PVT1: variants seen among roughly 807,000 people sequenced by gnomAD.
PVT1 encodes the protein CXCR4/PVT1 fusion.
chr8:127,936,431 G>A (rs570397517), intron 3 of PVT1, among the ~76,000 whole-genome samples: 1 of 152,252 alleles, frequency 6.6e-6, no homozygotes, highest in Non-Finnish European at 1.5e-5. Context: ...TCACTCCATT[G>A]TGCCAGCTGC....
chr8:127,941,165 T>C (rs1421351710), intron 3 of PVT1, among the ~76,000 whole-genome samples: 1 of 152,202 alleles, frequency 6.6e-6, no homozygotes, highest in African/African-American at 2.4e-5. Flanking sequence ...CAATGGTGGG[T>C]CCAGTTCCTT....
chr8:127,995,481 C>A (rs754888464), intron 4 of PVT1, among the ~76,000 whole-genome samples: 7 of 152,140 alleles, frequency 4.6e-5, no homozygotes, highest in African/African-American at 1.2e-4. Flanking sequence ...GGAATCTATC[C>A]ATTTCTTTGT....
intron 4 of PVT1, among the ~76,000 whole-genome samples, chr8:128,014,431 A>G (rs1817349113): frequency 6.6e-6 from 1 of 152,212 alleles, no homozygotes; most frequent in Non-Finnish European, 1.5e-5. Context: ...CATCATTGCT[A>G]GAAGCTGACT....
At chr8:127,908,968 C>T (rs1326424641) in intron 3 of PVT1, among the ~76,000 whole-genome samples, 6 of 152,210 alleles carry the variant, frequency 3.9e-5, no homozygotes, top group African/African-American at 7.2e-5. Context: ...ACTTACCCAG[C>T]AGAGTTGGTT....
At chr8:127,884,187 C>T (rs914409778) in intron 2 of PVT1, among the ~76,000 whole-genome samples, 1 of 152,212 alleles carries the variant, frequency 6.6e-6, no homozygotes, top group African/African-American at 2.4e-5. Flanking sequence ...TGACTTCTAA[C>T]CACACAGATT....
chr8:127,866,494 C>G (rs1431014954), intron 2 of PVT1, among the ~76,000 whole-genome samples: 1 of 152,122 alleles, frequency 6.6e-6, no homozygotes, highest in Non-Finnish European at 1.5e-5. Flanking sequence ...GTGTCCCCTC[C>G]CACTCCCTCT....
At chr8:128,090,353 A>G (rs1424172290) in intron 5 of PVT1, among the ~76,000 whole-genome samples, 1 of 152,356 alleles carries the variant, frequency 6.6e-6, no homozygotes, top group East Asian at 1.9e-4. Flanking sequence ...GAAAGCAGAC[A>G]TATTGATGCA....
At chr8:127,809,106 G>C (rs1814562827) in intron 2 of PVT1, among the ~76,000 whole-genome samples, 1 of 151,776 alleles carries the variant, frequency 6.6e-6, no homozygotes, top group Non-Finnish European at 1.5e-5. Flanking sequence ...AAAGTTTGAG[G>C]GAAGAGTTAG....
chr8:127,835,480 A>G (rs1814899442), intron 2 of PVT1, among the ~76,000 whole-genome samples: 1 of 152,100 alleles, frequency 6.6e-6, no homozygotes, highest in African/African-American at 2.4e-5. Flanking sequence ...TGGCATTAGG[A>G]GAAATACCCA....
At chr8:127,938,514 T>C (rs1816306697) in intron 3 of PVT1, among the ~76,000 whole-genome samples, 1 of 152,234 alleles carries the variant, frequency 6.6e-6, no homozygotes, top group South Asian at 2.1e-4. Context: ...CTGTATCCTG[T>C]GGCTTCAAAA....
intron 2 of PVT1, among the ~76,000 whole-genome samples, chr8:127,874,976 G>T (rs1314707869): frequency 6.6e-6 from 1 of 152,042 alleles, no homozygotes; most frequent in Non-Finnish European, 1.5e-5. Context: ...GCTGGAGCAG[G>T]TGCAGTTGCC....
At chr8:127,850,380 C>G (rs1050037615) in intron 2 of PVT1, among the ~76,000 whole-genome samples, 5 of 152,178 alleles carry the variant, frequency 3.3e-5, no homozygotes, top group Non-Finnish European at 7.3e-5. Flanking sequence ...TGACTGGAAA[C>G]TCAGGCCACC....
chr8:128,030,309 A>C (rs1813373648), intron 4 of PVT1, among the ~76,000 whole-genome samples: 1 of 152,158 alleles, frequency 6.6e-6, no homozygotes, highest in Non-Finnish European at 1.5e-5. Context: ...TATACTTTTC[A>C]TATATATTTC....
intron 2 of PVT1, among the ~76,000 whole-genome samples, chr8:127,858,299 A>T (rs1815182554): frequency 6.6e-6 from 1 of 151,932 alleles, no homozygotes; most frequent in East Asian, 1.9e-4. Flanking sequence ...CCCAGCTACC[A>T]GGGAGGCTGA....
intron 4 of PVT1, among the ~76,000 whole-genome samples, chr8:128,037,791 A>T (rs1050868705): frequency 6.6e-6 from 1 of 152,198 alleles, no homozygotes; most frequent in Non-Finnish European, 1.5e-5. Flanking sequence ...AGAGCCCAGC[A>T]GCACATTTAG....
At chr8:127,988,883 G>C (rs1345954076) in intron 3 of PVT1, among the ~76,000 whole-genome samples, 1 of 152,198 alleles carries the variant, frequency 6.6e-6, no homozygotes, top group Non-Finnish European at 1.5e-5. Context: ...GAGTCAGAAA[G>C]ACCCAACCAT....
chr8:128,016,525 T>A (rs890028024), intron 4 of PVT1, among the ~76,000 whole-genome samples: 4 of 152,178 alleles, frequency 2.6e-5, no homozygotes, highest in Non-Finnish European at 5.9e-5. Context: ...TAAGGATAGA[T>A]CTCCACCATG....
In PVT1 at chr8:127,812,240, AAGGAAGGC is replaced by A. The variant is rs1164337193; in HGVS notation, n.372+16193_372+16200del. On this transcript the variant is annotated intron_variant and non_coding_transcript_variant, in intron 2 of 10. Transcript: ENST00000651587. ...GCAGGAAGGCAGGAAGGCAGGAAGG[AAGGAAGGC>A]AGGAAGGCAGGAAGGCAGGAAGGAA... Among the ~76,000 whole-genome samples, 86 of 127,804 alleles carry A rather than the reference AAGGAAGGC, an allele frequency of 6.7e-4. 1 individual carries two copies. The highest frequency in any genetic ancestry group is 2.1e-3 in the East Asian group (10 of 4,752). 83.8% of individuals were successfully genotyped at this position (127,804 alleles called of 152,430 possible). A position where few individuals can be genotyped will look rare whatever the true frequency, so the allele number is the denominator to read the frequency against.
chr8:127,817,544 T>TACAC lies in PVT1; in HGVS notation n.372+21474_372+21475insCACA, dbSNP rs558276115. On this transcript the variant is annotated intron_variant and non_coding_transcript_variant, in intron 2 of 10. Coordinates refer to ENST00000651587, the Ensembl canonical transcript of PVT1. The stretch of plus-strand genomic sequence containing the variant: ...ATCTATTTAAATATATATATATATA[T>TACAC]ATACACACACACACACATATATATA... Among the ~76,000 whole-genome samples, 299 of 117,858 alleles carry TACAC rather than the reference T, an allele frequency of 2.5e-3. 2 individuals are homozygous for TACAC. Among genetic ancestry groups the TACAC allele is most frequent in the African/African-American group, 9.2e-3 (269 of 29,398 alleles). The allele number at this position is 117,858 out of a possible 152,430, so 77.3% of individuals were successfully genotyped here.
Sources: allele counts gnomAD v4.1 joint callset (sites outside exome capture counted in the v4.1 genomes callset), GRCh38; gene constraint gnomAD v4.1.1; transcripts MANE v1.5; gene names NCBI Gene and HGNC (gene_info 2026-07-23, HGNC 2026-07-21).